DNAH3: variants seen among roughly 807,000 people sequenced by gnomAD.
DNAH3 encodes the protein dynein axonemal heavy chain 3.
In DNAH3, 332 loss-of-function variants were observed where a neutral mutation model predicts 432.5. That is an observed-to-expected ratio of 0.77 (90% CI 0.70 to 0.84). The LOEUF (loss-of-function observed/expected upper bound fraction) is 0.84, where lower values mean the gene tolerates loss of function less well. Ranked by LOEUF, DNAH3 falls within the 40% of genes least tolerant of loss-of-function variation. The probability of loss-of-function intolerance (pLI) is 0.00; values close to 1 mark genes in which losing one functional copy is unlikely to be tolerated. For synonymous variants in DNAH3, 1,956 were observed against 1,900.2 expected, an observed-to-expected ratio of 1.03 and a Z score of -0.76; for missense variants, 4,861 against 5,114.0, an observed-to-expected ratio of 0.95 and a Z score of 1.51.
intron 18 of DNAH3, among the ~76,000 whole-genome samples, chr16:21,088,132 TA>T (rs2091433170): frequency 6.6e-6 from 1 of 152,092 alleles, no homozygotes; most frequent in Non-Finnish European, 1.5e-5. Flanking sequence ...GTGCTGAAAC[TA>T]AATCTAACTT....
chr16:21,127,943 T>C (rs2152817901), intron 7 of DNAH3, 131 bp from the exon 9 acceptor site: 3 of 1,129,226 alleles, frequency 2.7e-6, no homozygotes, highest in South Asian at 1.4e-5. Flanking sequence ...TTACAGGATA[T>C]GGGAAAGATG....
chr16:21,062,396 GGTGCTTAGTCCCA>G (rs1328734149), intron 25 of DNAH3, 73 bp downstream of exon 25: 2 of 1,090,410 alleles, frequency 1.8e-6, no homozygotes, highest in Non-Finnish European at 2.8e-6. Context: ...CAGGCAGTCT[GGTGCTTAGTCCCA>G]GTGCTTAGCC....
intron 21 of DNAH3, among the ~76,000 whole-genome samples, chr16:21,074,016 CAAAG>C (rs1294440915): frequency 1.3e-5 from 2 of 152,164 alleles, no homozygotes; most frequent in African/African-American, 4.8e-5. Flanking sequence ...TCGATGGTTC[CAAAG>C]TCATGTAAAA....
At chr16:21,083,021 A>T (rs1333535023) in intron 19 of DNAH3, among the ~76,000 whole-genome samples, 2 of 135,412 alleles carry the variant, frequency 1.5e-5, no homozygotes, top group South Asian at 2.4e-4. Context: ...CTTTTTCCAT[A>T]CTTTTTTTTT....
At chr16:21,039,860 G>C (rs1219955713) in exon 33 of DNAH3, 1 of 1,611,616 alleles carries the variant, frequency 6.2e-7, no homozygotes. Context: ...ACCTTCTGGA[G>C]TCCAGAAACC....
At chr16:21,122,384 G>A (rs1339316066) in intron 9 of DNAH3, among the ~76,000 whole-genome samples, 3 of 151,910 alleles carry the variant, frequency 2.0e-5, no homozygotes, top group Non-Finnish European at 1.5e-5. Context: ...GTGGAACCCC[G>A]TCTCTACTAA....
At chr16:20,951,167 C>A (rs770552897) in intron 56 of DNAH3, among the ~76,000 whole-genome samples, 1 of 152,070 alleles carries the variant, frequency 6.6e-6, no homozygotes, top group South Asian at 2.1e-4. Flanking sequence ...TTGTACATAT[C>A]GTGGACTAAT....
At chr16:21,097,263 A>T in intron 18 of DNAH3, 92 bp downstream of exon 18, 9 of 1,472,252 alleles carry the variant, frequency 6.1e-6, no homozygotes, top group Non-Finnish European at 7.5e-6. Flanking sequence ...AAGTCCAGCC[A>T]GATTCTTAAG....
chr16:20,952,292 G>A (rs749673797), intron 56 of DNAH3, 141 bp downstream of exon 56: 5 of 598,398 alleles, frequency 8.4e-6, no homozygotes, highest in Non-Finnish European at 1.5e-5. Context: ...TATCTAGCAT[G>A]ATGACCAGCA....
At chr16:21,132,957 ATT>A (rs562470355) in intron 7 of DNAH3, among the ~76,000 whole-genome samples, 1 of 131,352 alleles carries the variant, frequency 7.6e-6, no homozygotes. Flanking sequence ...GACTCCTACA[ATT>A]TTTTTTTTTT....
chr16:21,090,930 T>C (rs1198436766), intron 18 of DNAH3, among the ~76,000 whole-genome samples: 1 of 151,986 alleles, frequency 6.6e-6, no homozygotes, highest in African/African-American at 2.4e-5. Context: ...GGCGGGTGGA[T>C]TGCTTGAGCT....
Position 21,019,670 on chromosome 16 carries a change from C to G in DNAH3, c.5976G>C (p.Arg1992Ser). Residue 1992 changes from arginine to serine, a missense_variant, in exon 41 of 62, where the codon AGG (arginine) becomes AGC (serine). Arg to Ser is a moderately radical substitution (Grantham distance 110, BLOSUM62 -1). Transcript: ENST00000261383. ...TTTTGGTGAGTTTGACGCTTTTGGG[C>G]CTTGGGTGGTTATCATCCATGCCCA... is the stretch of plus-strand genomic sequence containing the variant. The G allele has an allele frequency of 6.2e-7, 1 of 1,614,052 alleles. No individual in the cohort carries two copies.
Position 21,114,809 on chromosome 16 carries a change from C to T in DNAH3, c.1814+2394G>A, listed in dbSNP as rs544691416. On this transcript the variant is annotated intron_variant, in intron 12 of 61. Transcript: ENST00000261383. ...CTGTTGGTGGGACTGTAAACTAGTT[C>T]AACCATTGTGGAAGACAGTGTGGTG... Among the ~76,000 whole-genome samples, 10 of 152,166 alleles carry T rather than the reference C, an allele frequency of 6.6e-5. No homozygotes were observed. The South Asian group carries it at 1.0e-3, about 16-fold the overall frequency.
Position 21,010,633 on chromosome 16 carries a change from G to A in DNAH3, c.6023-7426C>T, listed in dbSNP as rs564167732. Reference sequence around the variant, plus strand: ...ATTTATGCCATGTCTTGCATATCATGAAAATCCTAGAAAACAATGTCCCAT... The same window carrying A: ...ATTTATGCCATGTCTTGCATATCATAAAAATCCTAGAAAACAATGTCCCAT... On this transcript the variant is annotated intron_variant, in intron 41 of 61. Coordinates refer to ENST00000261383, the Ensembl canonical transcript of DNAH3. 4.6e-5 allele frequency among the ~76,000 whole-genome samples: 7 copies of A among 152,222 alleles called. No homozygotes were observed. The South Asian group carries it at 1.5e-3, about 32-fold the overall frequency.
At chr16:21,029,999 AT>A (rs572744717) in intron 37 of DNAH3, among the ~76,000 whole-genome samples, 27 of 150,000 alleles carry the variant, frequency 1.8e-4, no homozygotes, top group East Asian at 1.6e-3. Flanking sequence ...ATTAAAACAA[AT>A]TTTTTTTTTG....
chr16:21,122,914 A>G (rs1401140088), intron 9 of DNAH3, among the ~76,000 whole-genome samples: 1 of 152,024 alleles, frequency 6.6e-6, no homozygotes, highest in African/African-American at 2.4e-5. Flanking sequence ...AGCCTCCCAA[A>G]GTGCTGGGAT....
intron 50 of DNAH3, among the ~76,000 whole-genome samples, chr16:20,977,618 T>C (rs56654455): frequency 0.075 from 11,439 of 152,210 alleles, 595 homozygotes; most frequent in East Asian, 0.17. Flanking sequence ...ACATAGGTTT[T>C]GGAGTCATGC....
At chr16:21,017,076 G>T (rs1213227755) in intron 41 of DNAH3, among the ~76,000 whole-genome samples, 1 of 152,170 alleles carries the variant, frequency 6.6e-6, no homozygotes, top group Non-Finnish European at 1.5e-5. Flanking sequence ...CCTGGAGATG[G>T]AGGGAGGTGA....
At chr16:20,995,896 T>G (rs1290200260) in intron 44 of DNAH3, among the ~76,000 whole-genome samples, 1 of 152,268 alleles carries the variant, frequency 6.6e-6, no homozygotes, top group African/African-American at 2.4e-5. Flanking sequence ...CACTTTGCAG[T>G]GCAAACCTGC....
Sources: gnomAD v4.1 joint callset for allele counts (sites outside exome capture counted in the v4.1 genomes callset) on GRCh38, gnomAD v4.1.1 for gene constraint, MANE v1.5 for transcripts, NCBI Gene and HGNC (gene_info 2026-07-23, HGNC 2026-07-21) for gene names.